MGAT5: variants seen among roughly 807,000 people sequenced by gnomAD.
MGAT5 encodes the protein alpha-1,6-mannosylglycoprotein 6-beta-N-acetylglucosaminyltransferase.
Under a neutral mutation model 94.3 loss-of-function variants are expected in MGAT5, and 30 were observed. That is an observed-to-expected ratio of 0.32 (90% CI 0.24 to 0.43). MGAT5 has a LOEUF of 0.43. MGAT5 is among the 20% of genes least tolerant of loss of function. The probability of loss-of-function intolerance (pLI) is 1.00; values close to 1 mark genes in which losing one functional copy is unlikely to be tolerated. For synonymous variants in MGAT5, 310 were observed against 322.9 expected (o/e 0.96, Z 0.43); for missense variants, 691 against 905.5 (o/e 0.76, Z 3.04).
At chr2:134,192,013 G>A (rs1170126943) in intron 1 of MGAT5, among the ~76,000 whole-genome samples, 3 of 142,546 alleles carry the variant, frequency 2.1e-5, no homozygotes, top group African/African-American at 5.3e-5. Flanking sequence ...CCTCCTCCTC[G>A]CGTGAGCGGG....
At chr2:134,120,036 C>A (rs575626621), upstream of MGAT5, 1 of 152,808 alleles carries the variant, frequency 6.5e-6, no homozygotes, top group Non-Finnish European at 1.5e-5. Flanking sequence ...TGAGCTCCCA[C>A]AGGAGCGCCT....
intron 12 of MGAT5, among the ~76,000 whole-genome samples, chr2:134,419,442 TTGTGTGTGTGTGTGTGTGTG>T (rs56181696): frequency 2.2e-5 from 3 of 134,134 alleles, no homozygotes; most frequent in African/African-American, 5.6e-5. Context: ...GCTTCAGGGT[TTGTGTGTGTGTGTGTGTGTG>T]TGTGTGTGTG....
chr2:134,162,339 A>G (rs895169903), intron 1 of MGAT5, among the ~76,000 whole-genome samples: 10 of 152,146 alleles, frequency 6.6e-5, no homozygotes, highest in African/African-American at 2.4e-4. Flanking sequence ...TGATTTAGGG[A>G]CTTCCCTTAA....
At chr2:134,167,212 C>G (rs748208294) in intron 1 of MGAT5, among the ~76,000 whole-genome samples, 1 of 152,212 alleles carries the variant, frequency 6.6e-6, no homozygotes, top group Non-Finnish European at 1.5e-5. Flanking sequence ...AGGATCCTTA[C>G]TATTTAAGTG....
At chr2:134,291,166 T>A (rs1181449799) in intron 2 of MGAT5, among the ~76,000 whole-genome samples, 1 of 152,174 alleles carries the variant, frequency 6.6e-6, no homozygotes. Context: ...TAAATGTTTG[T>A]GTCCTCTCCA....
At chr2:134,208,145 T>TC (rs1249218812) in intron 1 of MGAT5, among the ~76,000 whole-genome samples, 2 of 152,042 alleles carry the variant, frequency 1.3e-5, no homozygotes, top group Non-Finnish European at 2.9e-5. Context: ...GGCCGAACTT[T>TC]TTTTTTTTTT....
At chr2:134,282,764 G>A (rs1473814984) in intron 2 of MGAT5, among the ~76,000 whole-genome samples, 1 of 152,226 alleles carries the variant, frequency 6.6e-6, no homozygotes, top group African/African-American at 2.4e-5. Flanking sequence ...AGCGAAGGAA[G>A]TGGGTGCTGT....
chr2:134,348,738 G>A (rs1679165656), intron 8 of MGAT5, among the ~76,000 whole-genome samples: 1 of 152,114 alleles, frequency 6.6e-6, no homozygotes, highest in Admixed American at 6.6e-5. Context: ...ATAGAAAATA[G>A]AGCTGCTTTT....
At chr2:134,402,705 T>A (rs1445125264) in intron 10 of MGAT5, among the ~76,000 whole-genome samples, 1 of 152,224 alleles carries the variant, frequency 6.6e-6, no homozygotes, top group Non-Finnish European at 1.5e-5. Context: ...TATAATGTAT[T>A]TCCTCTTGCA....
chr2:134,222,972 A>T lies in MGAT5; in HGVS notation c.-142-31290A>T, dbSNP rs987819338. 2.0e-5 allele frequency among the ~76,000 whole-genome samples: 3 copies of T among 152,094 alleles called. No individual in the cohort carries two copies. In the East Asian group the frequency reaches 5.8e-4, roughly 29 times the overall value. ...TATACAAAACATAAGCATTGTTCTG[A>T]AAAATAATTAAAAATATGTATATTA... On this transcript the variant is annotated intron_variant, in intron 1 of 16. Coordinates refer to the MGAT5 transcript ENST00000409645.
intron 8 of MGAT5, among the ~76,000 whole-genome samples, chr2:134,348,288 A>G (rs1053282808): frequency 2.0e-5 from 3 of 152,154 alleles, no homozygotes; most frequent in African/African-American, 7.2e-5. Context: ...GGCCAATGAC[A>G]TATCTTTGAT....
At chr2:134,287,863 TG>T (rs1685105880) in intron 2 of MGAT5, among the ~76,000 whole-genome samples, 1 of 152,252 alleles carries the variant, frequency 6.6e-6, no homozygotes, top group Non-Finnish European at 1.5e-5. Flanking sequence ...TGATCAATAA[TG>T]TATGAATATT....
At chr2:134,153,522 G>T (rs932300137) in intron 1 of MGAT5, among the ~76,000 whole-genome samples, 1 of 152,140 alleles carries the variant, frequency 6.6e-6, no homozygotes, top group Admixed American at 6.5e-5. Flanking sequence ...ATGCTGTCTT[G>T]TTTAAAAACA....
Position 134,259,908 on chromosome 2 carries a change from A to G in MGAT5, c.241+5264A>G, listed in dbSNP as rs187090351. Among the ~76,000 whole-genome samples, 5 of 152,322 alleles carry G rather than the reference A, an allele frequency of 3.3e-5. No individual in the cohort carries two copies. In the East Asian group the frequency reaches 9.6e-4, roughly 29 times the overall value. ...AGATAGCAGTACATTCCAGGAAGAA[A>G]AATGGTGATAGGGTTTAAAATATCT... is the stretch of plus-strand genomic sequence containing the variant. On this transcript the variant is annotated intron_variant, in intron 1 of 15. Coordinates refer to ENST00000281923, the MANE Select transcript of MGAT5 (RefSeq NM_002410.5).
intron 2 of MGAT5, among the ~76,000 whole-genome samples, chr2:134,315,714 A>G (rs1686960391): frequency 6.6e-6 from 1 of 152,242 alleles, no homozygotes; most frequent in Non-Finnish European, 1.5e-5. Flanking sequence ...TAAGAGCTGG[A>G]TGAAATAGAG....
At chr2:134,334,576 C>A (rs978425177) in intron 4 of MGAT5, among the ~76,000 whole-genome samples, 1 of 123,476 alleles carries the variant, frequency 8.1e-6, no homozygotes, top group Non-Finnish European at 1.6e-5. Flanking sequence ...AGTCTACAAT[C>A]CATTTGAAGT....
intron 1 of MGAT5, among the ~76,000 whole-genome samples, chr2:134,146,523 G>A (rs2104982585): frequency 6.6e-6 from 1 of 151,990 alleles, no homozygotes; most frequent in South Asian, 2.1e-4. Flanking sequence ...TAGCACCACT[G>A]CACTCCAGCC....
chr2:134,201,093 A>G (rs1175480556), intron 1 of MGAT5, among the ~76,000 whole-genome samples: 2 of 151,946 alleles, frequency 1.3e-5, no homozygotes, highest in Non-Finnish European at 2.9e-5. Context: ...CTTGTGTTTA[A>G]TCATTCAAAT....
At chr2:134,199,853 G>C (rs893100314) in intron 1 of MGAT5, among the ~76,000 whole-genome samples, 1 of 152,132 alleles carries the variant, frequency 6.6e-6, no homozygotes, top group Non-Finnish European at 1.5e-5. Context: ...GTTGGAGTTT[G>C]AGGGAAGCAG....
Sources: gnomAD v4.1 joint callset for allele counts (sites outside exome capture counted in the v4.1 genomes callset) on GRCh38, gnomAD v4.1.1 for gene constraint, MANE v1.5 for transcripts, NCBI Gene and HGNC (gene_info 2026-07-23, HGNC 2026-07-21) for gene names.